RSF1: variants seen among roughly 807,000 people sequenced by gnomAD.
RSF1 encodes the protein remodeling and spacing factor 1.
In RSF1, 13 loss-of-function variants were observed where a neutral mutation model predicts 145.2. That is an observed-to-expected ratio of 0.09 (90% CI 0.06 to 0.14). RSF1 has a LOEUF of 0.14. Among genes scored for constraint, RSF1 ranks in the 10% least tolerant of loss-of-function variants. The probability of loss-of-function intolerance (pLI) is 1.00; values close to 1 mark genes in which losing one functional copy is unlikely to be tolerated. For synonymous variants in RSF1, 577 were observed against 592.6 expected (o/e 0.97, Z 0.38); for missense variants, 1,517 against 1,718.2 (o/e 0.88, Z 2.07).
chr11:77,808,776 G>A (rs927833840), intron 1 of RSF1, among the ~76,000 whole-genome samples: 8 of 104,548 alleles, frequency 7.7e-5, no homozygotes, highest in East Asian at 5.7e-4. Context: ...CTCGTGATCC[G>A]CCCACCTCGG....
intron 5 of RSF1, among the ~76,000 whole-genome samples, chr11:77,711,882 G>T (rs1960693676): frequency 1.3e-5 from 2 of 151,050 alleles, no homozygotes; most frequent in Non-Finnish European, 3.0e-5. Flanking sequence ...TTTTTTCCTT[G>T]GTCTCCTCCA....
At chr11:77,675,727 T>C (rs1959683806) in intron 13 of RSF1, among the ~76,000 whole-genome samples, 1 of 152,172 alleles carries the variant, frequency 6.6e-6, no homozygotes. Context: ...ATCTCTTCTG[T>C]TTTCAGCTTT....
intron 11 of RSF1, among the ~76,000 whole-genome samples, chr11:77,681,059 T>G (rs1210966827): frequency 6.6e-6 from 1 of 152,208 alleles, no homozygotes; most frequent in Non-Finnish European, 1.5e-5. Flanking sequence ...ATCCCACTCT[T>G]GCCTTAATGA....
In RSF1 at chr11:77,661,719, C is replaced by CG. The variant is rs1336964944; in HGVS notation, c.*5197_*5198insC. 3 of 150,540 alleles carry CG rather than the reference C, an allele frequency of 2.0e-5. No individual in the cohort carries two copies. The highest frequency in any genetic ancestry group is 7.3e-5 in the African/African-American group (3 of 40,858). 9.3% of individuals were successfully genotyped at this position (150,540 alleles called of 1,614,324 possible). A position where few individuals can be genotyped will look rare whatever the true frequency, so the allele number is the denominator to read the frequency against. On this transcript the variant is annotated 3_prime_UTR_variant, in exon 16 of 16. Transcript: ENST00000308488. ...CACCTCCCATCCCTTAAAAGCTGTA[C>CG]AGTTATTTTTTTTAAAAAAAGGTGA...
At chr11:77,791,991 T>C (rs930036260) in intron 1 of RSF1, among the ~76,000 whole-genome samples, 25 of 152,330 alleles carry the variant, frequency 1.6e-4, no homozygotes, top group Admixed American at 1.6e-3. Flanking sequence ...TGGTACCAAG[T>C]TACTGTATTA....
At chr11:77,772,589 A>G (rs1948297551) in intron 1 of RSF1, among the ~76,000 whole-genome samples, 1 of 152,156 alleles carries the variant, frequency 6.6e-6, no homozygotes, top group African/African-American at 2.4e-5. Flanking sequence ...AAAAAGCACT[A>G]GAAAGTCAGG....
chr11:77,778,547 T>G (rs1183840102), intron 1 of RSF1, among the ~76,000 whole-genome samples: 1 of 152,142 alleles, frequency 6.6e-6, no homozygotes, highest in Non-Finnish European at 1.5e-5. Flanking sequence ...TCTTCTCTCT[T>G]TCTGAAAAAA....
At chr11:77,868,058 CT>C in the RSF1 span, among the ~76,000 whole-genome samples, 146 of 137,016 alleles carry the variant, frequency 1.1e-3, no homozygotes, top group Non-Finnish European at 1.3e-3. Flanking sequence ...TCCTCTGAGC[CT>C]TTTTTTTTTT....
chr11:77,767,021 A>G (rs1479143887), intron 1 of RSF1, among the ~76,000 whole-genome samples: 1 of 152,130 alleles, frequency 6.6e-6, no homozygotes, highest in Admixed American at 6.6e-5. Context: ...TGCAGTGATA[A>G]AAGATCTGGG....
chr11:77,845,645 G>T, the RSF1 span, among the ~76,000 whole-genome samples: 2 of 152,106 alleles, frequency 1.3e-5, no homozygotes, highest in African/African-American at 4.8e-5. Context: ...GGCCAGGCTG[G>T]TCTCAAATTC....
At chr11:77,840,595 A>C in the RSF1 span, among the ~76,000 whole-genome samples, 1 of 152,218 alleles carries the variant, frequency 6.6e-6, no homozygotes, top group Non-Finnish European at 1.5e-5. Flanking sequence ...ACATAAAAGA[A>C]ACTGGGTATC....
intron 6 of RSF1, among the ~76,000 whole-genome samples, chr11:77,699,002 T>C (rs889565705): frequency 1.3e-5 from 2 of 152,228 alleles, no homozygotes; most frequent in African/African-American, 4.8e-5. Flanking sequence ...TATCTAATCC[T>C]CTACTAGACA....
intron 11 of RSF1, among the ~76,000 whole-genome samples, chr11:77,682,932 T>C (rs1959903511): frequency 6.6e-6 from 1 of 152,106 alleles, no homozygotes; most frequent in Admixed American, 6.6e-5. Context: ...AGGGAGAATG[T>C]GATAAGATAG....
At chr11:77,695,039 T>A (rs1262232285) in intron 7 of RSF1, among the ~76,000 whole-genome samples, 1 of 152,196 alleles carries the variant, frequency 6.6e-6, no homozygotes, top group Non-Finnish European at 1.5e-5. Flanking sequence ...TTAACTTTGG[T>A]CACTTGGTTA....
At chr11:77,828,574 G>A in the RSF1 span, among the ~76,000 whole-genome samples, 17 of 151,616 alleles carry the variant, frequency 1.1e-4, no homozygotes, top group South Asian at 4.2e-4. Context: ...GGGAGGCTGC[G>A]GCGGAAGAAT....
chr11:77,804,902 C>G (rs143681083), intron 1 of RSF1, among the ~76,000 whole-genome samples: 3 of 152,310 alleles, frequency 2.0e-5, no homozygotes, highest in African/African-American at 7.2e-5. Context: ...GACAATTTTT[C>G]AAGATCAATC....
intron 1 of RSF1, among the ~76,000 whole-genome samples, chr11:77,777,778 A>G (rs1441483485): frequency 6.6e-6 from 1 of 151,968 alleles, no homozygotes; most frequent in Non-Finnish European, 1.5e-5. Context: ...TCAACCCAGG[A>G]GTTCAAGACC....
intron 1 of RSF1, among the ~76,000 whole-genome samples, chr11:77,767,083 T>C (rs1948234105): frequency 6.6e-6 from 1 of 152,154 alleles, no homozygotes; most frequent in Non-Finnish European, 1.5e-5. Flanking sequence ...TCTGGTCAAG[T>C]CCTTTAAACA....
the RSF1 span, among the ~76,000 whole-genome samples, chr11:77,858,289 C>T: frequency 3.9e-5 from 5 of 128,316 alleles, no homozygotes; most frequent in Admixed American, 8.3e-5. Flanking sequence ...CCACCTCCTG[C>T]GTTTAAGCAA....
Sources: gnomAD v4.1 joint callset for allele counts (sites outside exome capture counted in the v4.1 genomes callset) on GRCh38, gnomAD v4.1.1 for gene constraint, MANE v1.5 for transcripts, NCBI Gene and HGNC (gene_info 2026-07-23, HGNC 2026-07-21) for gene names.